ANO4: variants seen among roughly 807,000 people sequenced by gnomAD.
ANO4 encodes anoctamin-4.
In ANO4, 69 loss-of-function variants were observed where a neutral mutation model predicts 141.9. The observed-to-expected ratio is 0.49, with a 90% CI of 0.40 to 0.59. The LOEUF (loss-of-function observed/expected upper bound fraction) is 0.59, where lower values mean the gene tolerates loss of function less well. Among genes scored for constraint, ANO4 ranks in the 20% least tolerant of loss-of-function variants. ANO4 has a pLI of 0.00. For synonymous variants in ANO4, 350 were observed against 394.3 expected, an observed-to-expected ratio of 0.89 and a Z score of 1.33; for missense variants, 894 against 1,162.2, an observed-to-expected ratio of 0.77 and a Z score of 3.36.
chr12:100,917,366 C>G (rs1354767808), intron 2 of ANO4, among the ~76,000 whole-genome samples: 1 of 152,078 alleles, frequency 6.6e-6, no homozygotes, highest in African/African-American at 2.4e-5. Context: ...TACCATCTTG[C>G]CTAGTTTTTC....
intron 1 of ANO4, among the ~76,000 whole-genome samples, chr12:100,815,221 G>A (rs985923948): frequency 1.6e-4 from 25 of 152,052 alleles, no homozygotes; most frequent in African/African-American, 5.8e-4. Flanking sequence ...ATTATTGTAT[G>A]GTCTTTAAAT....
intron 2 of ANO4, chr12:100,739,778 T>TCC (rs1157526807): frequency 1.5e-6 from 1 of 674,164 alleles, no homozygotes; most frequent in East Asian, 2.7e-5. Context: ...ACAGCTAAGA[T>TCC]TTTGGGGAAG....
intron 3 of ANO4, among the ~76,000 whole-genome samples, chr12:100,924,968 A>G (rs970049906): frequency 5.9e-5 from 9 of 152,130 alleles, no homozygotes; most frequent in Non-Finnish European, 1.3e-4. Flanking sequence ...CAGGTAGAGG[A>G]GTATAAATTT....
At chr12:101,025,814 A>G (rs1292397345) in intron 9 of ANO4, among the ~76,000 whole-genome samples, 1 of 152,242 alleles carries the variant, frequency 6.6e-6, no homozygotes, top group Non-Finnish European at 1.5e-5. Flanking sequence ...GTAGCAAACT[A>G]AAAAAGAAAA....
chr12:101,002,813 A>G (rs1287270572), intron 8 of ANO4, among the ~76,000 whole-genome samples: 2 of 152,214 alleles, frequency 1.3e-5, no homozygotes, highest in Admixed American at 1.3e-4. Flanking sequence ...AGCCAAAAGT[A>G]ATTAGAAGGG....
Position 101,077,088 on chromosome 12 carries a change from G to A in ANO4, c.1313-2105G>A, listed in dbSNP as rs567179467. Among the ~76,000 whole-genome samples the A allele has an allele frequency of 3.9e-5, 6 of 152,288 alleles. No individual in the cohort carries two copies. In the East Asian group the frequency reaches 9.7e-4, roughly 25 times the overall value. On this transcript the variant is annotated intron_variant, in intron 14 of 27. Transcript: ENST00000392977. Reference sequence around the variant, plus strand: ...TACATGTGCCAACAATACAATTTATGCTTTCTCCCTGAAACTCTGGAATTT... The same window carrying A: ...TACATGTGCCAACAATACAATTTATACTTTCTCCCTGAAACTCTGGAATTT...
intron 3 of ANO4, among the ~76,000 whole-genome samples, chr12:100,743,887 C>A (rs919505274): frequency 6.6e-6 from 1 of 152,122 alleles, no homozygotes; most frequent in Non-Finnish European, 1.5e-5. Context: ...TCAAGTAGGC[C>A]TTGGTGTCTG....
intron 15 of ANO4, 133 bp downstream of exon 15, chr12:101,079,408 C>T (rs138851759): frequency 0.011 from 8,121 of 708,380 alleles, 68 homozygotes; most frequent in Middle Eastern, 0.014. Context: ...ATTGCCTTTT[C>T]AGAAAATTTC....
At chr12:100,937,909 A>C (rs1292713364) in intron 3 of ANO4, among the ~76,000 whole-genome samples, 2 of 152,134 alleles carry the variant, frequency 1.3e-5, no homozygotes, top group African/African-American at 4.8e-5. Flanking sequence ...AGACCCTTGT[A>C]ATTACATCAG....
intron 5 of ANO4, among the ~76,000 whole-genome samples, chr12:100,954,110 TTTC>T (rs2043083354): frequency 6.6e-6 from 1 of 152,108 alleles, no homozygotes; most frequent in Non-Finnish European, 1.5e-5. Context: ...AAACCCAAAG[TTTC>T]TTCTTTAAAA....
intron 10 of ANO4, among the ~76,000 whole-genome samples, chr12:101,037,987 G>A (rs61944931): frequency 0.058 from 8,701 of 151,254 alleles, 403 homozygotes; most frequent in African/African-American, 0.13. Flanking sequence ...CCAACTCTCC[G>A]TAAATGGCAA....
intron 2 of ANO4, among the ~76,000 whole-genome samples, chr12:100,918,614 G>A (rs2041460161): frequency 6.6e-6 from 1 of 152,146 alleles, no homozygotes; most frequent in Admixed American, 6.5e-5. Flanking sequence ...GTGTTGTAAT[G>A]TCATAGTGCA....
In ANO4 at chr12:101,020,157, T is replaced by C. The variant is rs768097646; in HGVS notation, c.841+17T>C. On this transcript the variant is annotated intron_variant, in intron 9 of 27. Coordinates refer to ENST00000392977, the MANE Select transcript of ANO4 (RefSeq NM_001286615.2). ...ACAAGATTGGTAAGTAGTATGTTAG[T>C]ATAACAAACTACATTTGGCATTTGG... The C allele has an allele frequency of 6.7e-7, 1 of 1,501,164 alleles. No homozygotes were observed. Among genetic ancestry groups the C allele is most frequent in the Middle Eastern group, 1.8e-4 (1 of 5,692 alleles). 93.0% of individuals were successfully genotyped at this position (1,501,164 alleles called of 1,614,324 possible). A position where few individuals can be genotyped will look rare whatever the true frequency, so the allele number is the denominator to read the frequency against.
At chr12:100,977,599 G>A (rs1350914729) in intron 7 of ANO4, among the ~76,000 whole-genome samples, 3 of 152,216 alleles carry the variant, frequency 2.0e-5, no homozygotes, top group Non-Finnish European at 4.4e-5. Flanking sequence ...AAATTCTGCG[G>A]GTGCAGATGA....
At chr12:100,726,081 G>C (rs942869996) in intron 1 of ANO4, among the ~76,000 whole-genome samples, 2 of 152,142 alleles carry the variant, frequency 1.3e-5, no homozygotes, top group East Asian at 3.9e-4. Context: ...TGATTGTCAG[G>C]TAATTCTCTC....
intron 1 of ANO4, among the ~76,000 whole-genome samples, chr12:100,806,319 C>G (rs2035019332): frequency 6.6e-6 from 1 of 152,106 alleles, no homozygotes; most frequent in Non-Finnish European, 1.5e-5. Flanking sequence ...TGTTTCCTCA[C>G]ACCTATGCCC....
intron 1 of ANO4, among the ~76,000 whole-genome samples, chr12:100,898,082 C>T (rs2040426998): frequency 6.6e-6 from 1 of 152,186 alleles, no homozygotes; most frequent in Non-Finnish European, 1.5e-5. Flanking sequence ...ACTTCTCGAG[C>T]CTCAGATTTC....
chr12:100,798,465 G>A (rs190343885), intron 1 of ANO4, among the ~76,000 whole-genome samples: 75 of 152,244 alleles, frequency 4.9e-4, no homozygotes, highest in African/African-American at 1.3e-3. Context: ...GGCAACTCAG[G>A]CAGATTGTAT....
At chr12:100,936,643 C>A (rs1405696350) in intron 3 of ANO4, among the ~76,000 whole-genome samples, 1 of 152,122 alleles carries the variant, frequency 6.6e-6, no homozygotes, top group African/African-American at 2.4e-5. Context: ...CCTTGTTCCC[C>A]CTTTATCTCA....
Sources: allele counts gnomAD v4.1 joint callset (sites outside exome capture counted in the v4.1 genomes callset), GRCh38; gene constraint gnomAD v4.1.1; transcripts MANE v1.5; gene names NCBI Gene and HGNC (gene_info 2026-07-23, HGNC 2026-07-21).